Variants in NTRK1 observed in about 807,000 individuals in gnomAD.
The protein encoded by NTRK1 is neurotrophic receptor tyrosine kinase 1.
In NTRK1, 62 loss-of-function variants were observed where a neutral mutation model predicts 86.8. The ratio of observed to expected loss-of-function variants is 0.71; its 90% CI spans 0.58 to 0.88. NTRK1 has a LOEUF of 0.88. Ranked by LOEUF, NTRK1 falls within the 40% of genes least tolerant of loss-of-function variation. NTRK1 has a pLI of 0.00. For missense variants in NTRK1, 967 were observed against 1,078.4 expected, an observed-to-expected ratio of 0.90 and a Z score of 1.45; for synonymous variants, 469 against 456.6, an observed-to-expected ratio of 1.03 and a Z score of -0.35.
chr1:156,848,905 C>G (rs776757652), intron 2 of NTRK1: 25 of 1,554,704 alleles, frequency 1.6e-5, no homozygotes, highest in Non-Finnish European at 2.2e-5. Context: ...GCTCCGGCCC[C>G]GCCCCCGGCA....
chr1:156,858,732 A>C, upstream of NTRK1: 1 of 862,328 alleles, frequency 1.2e-6, no homozygotes, highest in Non-Finnish European at 2.0e-6. Context: ...TAGGAGAGGG[A>C]GGGCAGGGGC....
At chr1:156,842,447 G>C in intron 2 of NTRK1, 1 of 1,614,052 alleles carries the variant, frequency 6.2e-7, no homozygotes, top group Admixed American at 1.7e-5. Context: ...GTCCCCACGG[G>C]TCATTAACTC....
chr1:156,867,048 G>A, intron 4 of NTRK1, 70 bp downstream of exon 4: 4 of 1,489,396 alleles, frequency 2.7e-6, no homozygotes, highest in Non-Finnish European at 3.7e-6. Flanking sequence ...GGGTCTGTTG[G>A]ATGACATTGG....
chr1:156,841,207 A>G (rs903276926), intron 1 of NTRK1: 41 of 1,036,504 alleles, frequency 4.0e-5, no homozygotes, highest in Middle Eastern at 2.5e-4. Flanking sequence ...ATCGTGGGCC[A>G]TTATGCCTGG....
At chr1:156,824,788 C>T (rs974789943) in intron 1 of NTRK1, among the ~76,000 whole-genome samples, 31 of 152,198 alleles carry the variant, frequency 2.0e-4, no homozygotes, top group African/African-American at 7.5e-4. Flanking sequence ...CCAAAGACTC[C>T]ATCCTTTATC....
chr1:156,829,054 G>A (rs943204032), intron 1 of NTRK1, among the ~76,000 whole-genome samples: 5 of 152,326 alleles, frequency 3.3e-5, no homozygotes, highest in South Asian at 2.1e-4. Context: ...CAAGATGTGC[G>A]CAGCCTTGCT....
chr1:156,865,698 C>T (rs945026253), intron 3 of NTRK1, among the ~76,000 whole-genome samples: 1 of 152,132 alleles, frequency 6.6e-6, no homozygotes, highest in African/African-American at 2.4e-5. Flanking sequence ...TGCTGTAGGA[C>T]AGAGAGGGTC....
intron 1 of NTRK1, among the ~76,000 whole-genome samples, chr1:156,834,024 C>T (rs1200366229): frequency 1.3e-5 from 2 of 152,182 alleles, no homozygotes; most frequent in Non-Finnish European, 2.9e-5. Flanking sequence ...TGCTTCTCAA[C>T]CCTTTCACAC....
intron 1 of NTRK1, among the ~76,000 whole-genome samples, chr1:156,825,116 C>T (rs1654286885): frequency 6.6e-6 from 1 of 152,074 alleles, no homozygotes; most frequent in East Asian, 1.9e-4. Flanking sequence ...CTCAAACTCC[C>T]GACCTCAGGT....
At chr1:156,845,465 C>T (rs761485061) in intron 2 of NTRK1, 5 of 1,520,636 alleles carry the variant, frequency 3.3e-6, no homozygotes, top group Non-Finnish European at 4.4e-6. Context: ...CACCCCTGTG[C>T]CCTCTGCAGC....
chr1:156,858,663 G>A (rs774962181), upstream of NTRK1: 64 of 1,541,216 alleles, frequency 4.2e-5, no homozygotes, highest in East Asian at 9.4e-4. Context: ...CTCTCCTCCC[G>A]GTGACTCTGG....
Position 156,870,350 on chromosome 1 carries a change from C to T in NTRK1, c.718-1273C>T, listed in dbSNP as rs1571692347. ...ATCACTTGAGACCAGCAGTTTGAGA[C>T]CAGCCTGGGCAACAAAGCAAGACCC... On this transcript the variant is annotated intron_variant, in intron 6 of 16. Coordinates refer to ENST00000524377, the MANE Select transcript of NTRK1 (RefSeq NM_002529.4). Among the ~76,000 whole-genome samples, 5 of 152,254 alleles carry T rather than the reference C, an allele frequency of 3.3e-5. No individual in the cohort carries two copies. The East Asian group carries it at 9.6e-4, about 29-fold the overall frequency.
rs1654994699 is a variant in NTRK1 at position 156,846,023 on chromosome 1, G to A, written c.50+3830G>A. ...CCGCTGCCACAGCACCAGGTAGTAG[G>A]TGAGGTTCCCATTGCGCTGGGTCGG... On this transcript the variant is annotated intron_variant, in intron 2 of 16. Transcript: ENST00000392302. The A allele has an allele frequency of 1.2e-6, 2 of 1,614,184 alleles. No individual in the cohort carries two copies. Among genetic ancestry groups the A allele is most frequent in the Middle Eastern group, 1.6e-4 (1 of 6,062 alleles).
chr1:156,827,794 C>T (rs1279244076), intron 1 of NTRK1, among the ~76,000 whole-genome samples: 1 of 152,080 alleles, frequency 6.6e-6, no homozygotes, highest in Non-Finnish European at 1.5e-5. Context: ...AGCTTCTGGC[C>T]CTGACTTCAA....
At chr1:156,825,062 T>G (rs1654285520) in intron 1 of NTRK1, among the ~76,000 whole-genome samples, 1 of 152,202 alleles carries the variant, frequency 6.6e-6, no homozygotes, top group Non-Finnish European at 1.5e-5. Context: ...GCTAATTTTG[T>G]ATTTTTAGTA....
chr1:156,840,429 G>GCCCCCCC (rs369914973), intron 1 of NTRK1: 1 of 158,434 alleles, frequency 6.3e-6, no homozygotes, highest in Non-Finnish European at 1.4e-5. Context: ...GTCATGTGGA[G>GCCCCCCC]CCCCACCCCC....
intron 1 of NTRK1, among the ~76,000 whole-genome samples, chr1:156,829,629 C>G (rs752036746): frequency 1.3e-5 from 2 of 152,118 alleles, no homozygotes; most frequent in Non-Finnish European, 2.9e-5. Context: ...TATCCACCCC[C>G]CAGACTCAAA....
intron 1 of NTRK1, among the ~76,000 whole-genome samples, chr1:156,834,428 G>A (rs1347645919): frequency 6.6e-6 from 1 of 152,210 alleles, no homozygotes; most frequent in African/African-American, 2.4e-5. Context: ...CCTGGGGACA[G>A]GGAAGATGCA....
intron 2 of NTRK1, chr1:156,845,638 T>C (rs780226760): frequency 6.2e-7 from 1 of 1,607,650 alleles, no homozygotes; most frequent in Non-Finnish European, 8.5e-7. Flanking sequence ...GTGATCGCGT[T>C]GTGTAGAAAG....
Sources: gnomAD v4.1 joint callset for allele counts (sites outside exome capture counted in the v4.1 genomes callset) on GRCh38, gnomAD v4.1.1 for gene constraint, MANE v1.5 for transcripts, NCBI Gene and HGNC (gene_info 2026-07-23, HGNC 2026-07-21) for gene names.